The following KMT2C variants were observed in gnomAD, a reference collection of about 807,000 sequenced individuals.
KMT2C encodes the protein histone-lysine N-methyltransferase 2C.
A neutral mutation model predicts 507.9 loss-of-function variants in KMT2C; 88 were observed. The ratio of observed to expected loss-of-function variants is 0.17; its 90% CI spans 0.15 to 0.21. KMT2C has a LOEUF of 0.21. KMT2C is among the 10% of genes least tolerant of loss of function. KMT2C has a pLI of 1.00. For synonymous variants in KMT2C, 2,049 were observed against 2,080.8 expected, an observed-to-expected ratio of 0.98 and a Z score of 0.42; for missense variants, 4,954 against 5,957.8, an observed-to-expected ratio of 0.83 and a Z score of 5.55.
intron 2 of KMT2C, among the ~76,000 whole-genome samples, chr7:152,348,780 T>C (rs768578675): frequency 2.0e-5 from 3 of 152,064 alleles, no homozygotes; most frequent in Non-Finnish European, 2.9e-5. Flanking sequence ...CCTATTAGAA[T>C]GGTCAAAATC....
chr7:152,362,569 A>AT (rs1248449842), intron 1 of KMT2C, among the ~76,000 whole-genome samples: 4 of 152,078 alleles, frequency 2.6e-5, no homozygotes, highest in Non-Finnish European at 4.4e-5. Context: ...TTCTTTTGTG[A>AT]TTTTTCATAA....
chr7:152,205,256 A>G, intron 24 of KMT2C, 31 bp from the exon 25 acceptor site: 1 of 1,599,240 alleles, frequency 6.3e-7, no homozygotes, highest in Non-Finnish European at 8.6e-7. Context: ...GTAAACTGAT[A>G]AGTAATTTCT....
chr7:152,422,533 G>A (rs1269622903), intron 1 of KMT2C, among the ~76,000 whole-genome samples: 1 of 151,996 alleles, frequency 6.6e-6, no homozygotes, highest in Non-Finnish European at 1.5e-5. Context: ...AATCAACCGG[G>A]CCTCAACATG....
intron 1 of KMT2C, among the ~76,000 whole-genome samples, chr7:152,397,090 T>C (rs2097542220): frequency 6.6e-6 from 1 of 152,226 alleles, no homozygotes; most frequent in Non-Finnish European, 1.5e-5. Context: ...ATGACATTTC[T>C]GTCCACTCAA....
chr7:152,392,260 T>C (rs942699559), intron 1 of KMT2C, among the ~76,000 whole-genome samples: 6 of 152,318 alleles, frequency 3.9e-5, no homozygotes, highest in African/African-American at 1.4e-4. Flanking sequence ...GGCCTTAGTG[T>C]AGCCACCACC....
chr7:152,370,839 T>G lies in KMT2C; in HGVS notation c.162-12164A>C, dbSNP rs189940383. On this transcript the variant is annotated intron_variant, in intron 1 of 58. Coordinates refer to ENST00000262189, the MANE Select transcript of KMT2C (RefSeq NM_170606.3). ...TTTATCGGAACATAGCCATGTATATTTGTTTACATACAGTCTACATCTGCT... is the reference window on the plus strand; with the variant it reads ...TTTATCGGAACATAGCCATGTATATGTGTTTACATACAGTCTACATCTGCT... Among the ~76,000 whole-genome samples the G allele has an allele frequency of 5.0e-4, 76 of 152,342 alleles. 1 individual carries two copies. The East Asian group carries it at 0.014, about 28-fold the overall frequency.
At chr7:152,374,933 T>G (rs972957179) in intron 1 of KMT2C, among the ~76,000 whole-genome samples, 2 of 150,984 alleles carry the variant, frequency 1.3e-5, no homozygotes. Flanking sequence ...AAAAAATCCA[T>G]GCAAAATCAA....
At chr7:152,147,954 T>C (rs947485086) in intron 52 of KMT2C, 79 bp downstream of exon 52, 4 of 1,420,892 alleles carry the variant, frequency 2.8e-6, no homozygotes, top group Middle Eastern at 2.5e-4. Context: ...GAGACAAACA[T>C]GGAAAATTGA....
At chr7:152,208,443 T>C (rs977875140) in intron 23 of KMT2C, among the ~76,000 whole-genome samples, 2 of 152,256 alleles carry the variant, frequency 1.3e-5, no homozygotes, top group East Asian at 3.8e-4. Flanking sequence ...TTATTTTTAT[T>C]GGTTCTTTAA....
intron 42 of KMT2C, among the ~76,000 whole-genome samples, chr7:152,164,457 T>C (rs1156459138): frequency 2.6e-5 from 4 of 151,756 alleles, no homozygotes; most frequent in Non-Finnish European, 4.4e-5. Flanking sequence ...GCCCGGCTAA[T>C]TTTTTGTATT....
chr7:152,158,251 C>T (rs900711179), intron 44 of KMT2C, among the ~76,000 whole-genome samples: 1 of 152,254 alleles, frequency 6.6e-6, no homozygotes, highest in Non-Finnish European at 1.5e-5. Context: ...GTAACAACCA[C>T]AAAGGTGTAG....
At chr7:152,242,868 T>TA (rs2095410358) in intron 14 of KMT2C, among the ~76,000 whole-genome samples, 1 of 152,174 alleles carries the variant, frequency 6.6e-6, no homozygotes. Flanking sequence ...CTCCAAATCC[T>TA]AAATCAACCC....
chr7:152,412,511 A>T (rs928152089), intron 1 of KMT2C, among the ~76,000 whole-genome samples: 1 of 152,196 alleles, frequency 6.6e-6, no homozygotes. Context: ...ACCTCAAAAC[A>T]AGCATCTATA....
At chr7:152,313,478 A>T (rs1247026545) in intron 4 of KMT2C, among the ~76,000 whole-genome samples, 1 of 152,140 alleles carries the variant, frequency 6.6e-6, no homozygotes, top group East Asian at 1.9e-4. Context: ...ACAGCAGCCC[A>T]GCTTAGAAAG....
At chr7:152,315,651 A>G (rs764151879) in intron 3 of KMT2C, among the ~76,000 whole-genome samples, 1 of 152,170 alleles carries the variant, frequency 6.6e-6, no homozygotes, top group African/African-American at 2.4e-5. Context: ...TAAGAAAGCT[A>G]AAGGTGGGGG....
Position 152,248,451 on chromosome 7 carries a change from A to G in KMT2C, c.1983T>C (p.Thr661=), listed in dbSNP as rs751758867. 6.2e-7 allele frequency: 1 copy of G among 1,614,108 alleles called. No individual in the cohort carries two copies. Among genetic ancestry groups the G allele is most frequent in the South Asian group, 1.1e-5 (1 of 91,080 alleles). ...ENIEVVTHQI[T]VQQEQLQLLE... Reference sequence around the variant, plus strand: ...ACAACTGCAGTTGTTCTTGCTGCACAGTGATCTGGTGTGTAACGACTTCAA... The same window carrying G: ...ACAACTGCAGTTGTTCTTGCTGCACGGTGATCTGGTGTGTAACGACTTCAA... The change falls in exon 14 of 59, where the codon ACT becomes ACC. Residue 661 remains threonine, a synonymous_variant. Coordinates refer to ENST00000262189, the MANE Select transcript of KMT2C (RefSeq NM_170606.3).
At chr7:152,378,165 T>C (rs2097343521) in intron 1 of KMT2C, among the ~76,000 whole-genome samples, 1 of 152,224 alleles carries the variant, frequency 6.6e-6, no homozygotes, top group African/African-American at 2.4e-5. Context: ...ATAACCTTAG[T>C]TGTTAAAGCA....
chr7:152,339,628 A>G (rs1022118746), intron 2 of KMT2C, among the ~76,000 whole-genome samples: 5 of 152,212 alleles, frequency 3.3e-5, no homozygotes, highest in Non-Finnish European at 5.9e-5. Context: ...GGATTACATC[A>G]TAGTACCAAA....
intron 1 of KMT2C, among the ~76,000 whole-genome samples, chr7:152,397,854 G>A (rs1432677016): frequency 6.6e-6 from 1 of 152,082 alleles, no homozygotes; most frequent in Non-Finnish European, 1.5e-5. Flanking sequence ...TGAGTGTGAG[G>A]CCTCCCCAAA....
Sources: gnomAD v4.1 joint callset for allele counts (sites outside exome capture counted in the v4.1 genomes callset) on GRCh38, gnomAD v4.1.1 for gene constraint, MANE v1.5 for transcripts, NCBI Gene and HGNC (gene_info 2026-07-23, HGNC 2026-07-21) for gene names.